Variants in DCBLD2 observed in about 807,000 individuals in gnomAD.
The protein encoded by DCBLD2 is discoidin, CUB and LCCL domain-containing protein 2.
DCBLD2 carries 54 observed loss-of-function variants against 86.8 expected under a neutral mutation model. The ratio of observed to expected loss-of-function variants is 0.62; its 90% confidence interval spans 0.50 to 0.78. DCBLD2 has a LOEUF of 0.78. Among genes scored for constraint, DCBLD2 ranks in the 30% least tolerant of loss-of-function variants. DCBLD2 has a pLI of 0.00. For synonymous variants in DCBLD2, 354 were observed against 341.3 expected (o/e 1.04, Z -0.41); for missense variants, 908 against 954.2 (o/e 0.95, Z 0.64).
intron 3 of DCBLD2, among the ~76,000 whole-genome samples, chr3:98,842,873 G>A (rs994410113): frequency 2.0e-5 from 3 of 152,086 alleles, no homozygotes; most frequent in Non-Finnish European, 4.4e-5. Context: ...AAATACATTA[G>A]TATTTATCAA....
At chr3:98,803,267 C>A (rs1941763850) in intron 13 of DCBLD2, among the ~76,000 whole-genome samples, 1 of 152,070 alleles carries the variant, frequency 6.6e-6, no homozygotes, top group Non-Finnish European at 1.5e-5. Flanking sequence ...CCTTCACATC[C>A]CTTGTAAGTT....
At chr3:98,844,747 C>T (rs1942689113) in intron 3 of DCBLD2, among the ~76,000 whole-genome samples, 1 of 152,122 alleles carries the variant, frequency 6.6e-6, no homozygotes, top group African/African-American at 2.4e-5. Context: ...CTCAGTAACA[C>T]CAGCAGTAAC....
At chr3:98,898,762 C>G (rs540976605) in intron 1 of DCBLD2, among the ~76,000 whole-genome samples, 1 of 152,078 alleles carries the variant, frequency 6.6e-6, no homozygotes, top group Non-Finnish European at 1.5e-5. Flanking sequence ...AATTCCACCA[C>G]GGGCTGCTTT....
chr3:98,835,902 TTTTC>T (rs200797899), intron 3 of DCBLD2, among the ~76,000 whole-genome samples: 250 of 137,702 alleles, frequency 1.8e-3, no homozygotes, highest in Admixed American at 6.9e-3. Context: ...GGAGATGAAT[TTTTC>T]TTTCTTTCTT....
In DCBLD2 at chr3:98,811,229, A is replaced by C. The variant is rs758258524; in HGVS notation, c.1541T>G (p.Ile514Ser). The change falls in exon 12 of 16, where the codon ATC becomes AGC. Residue 514 changes from isoleucine to serine, a missense_variant. This residue lies in a region of DCBLD2 where 606 missense variants were observed against 678.5 expected (regional missense o/e 0.89). Transcript: ENST00000326840. ...QTEQTTASPD[I>S]RNTTVTPNVT... The stretch of plus-strand genomic sequence containing the variant: ...ATTTGGAGTTACGGTAGTATTTCTG[A>C]TATCAGGACTGGCAGTTGTTTGTTC... 1 of 1,611,076 alleles carries C rather than the reference A, an allele frequency of 6.2e-7. No individual in the cohort carries two copies. Among genetic ancestry groups the C allele is most frequent in the South Asian group, 1.1e-5 (1 of 90,304 alleles).
intron 13 of DCBLD2, among the ~76,000 whole-genome samples, chr3:98,804,350 T>C (rs1413044926): frequency 2.0e-5 from 3 of 152,228 alleles, no homozygotes; most frequent in Non-Finnish European, 2.9e-5. Context: ...GTTTGTAGTA[T>C]TCTCTGATGG....
intron 8 of DCBLD2, 24 bp from the exon 9 acceptor site, chr3:98,817,917 A>G (rs1285256791): frequency 1.9e-6 from 3 of 1,609,860 alleles, no homozygotes; most frequent in South Asian, 1.1e-5. Flanking sequence ...AGTTGCTTTC[A>G]TTAATGCACA....
intron 3 of DCBLD2, among the ~76,000 whole-genome samples, chr3:98,826,807 C>T (rs1942230641): frequency 6.6e-6 from 1 of 151,964 alleles, no homozygotes; most frequent in South Asian, 2.1e-4. Flanking sequence ...GGAAGAAGAC[C>T]CCAAGGCAAT....
At chr3:98,870,312 T>C (rs1408063764) in intron 2 of DCBLD2, among the ~76,000 whole-genome samples, 1 of 152,240 alleles carries the variant, frequency 6.6e-6, no homozygotes, top group African/African-American at 2.4e-5. Context: ...TCTATTTTTA[T>C]ACCAGTTGTC....
chr3:98,866,438 A>G (rs899616870), intron 2 of DCBLD2, among the ~76,000 whole-genome samples: 1 of 152,050 alleles, frequency 6.6e-6, no homozygotes, highest in African/African-American at 2.4e-5. Context: ...TGTGGTTTTG[A>G]TTTGCATTTC....
At chr3:98,815,342 A>G (rs1942002709) in intron 9 of DCBLD2, 1 of 152,208 alleles carries the variant, frequency 6.6e-6, no homozygotes, top group Admixed American at 6.5e-5. Flanking sequence ...GTATTGTCTC[A>G]GTGGGGGAGA....
intron 15 of DCBLD2, 84 bp from the exon 16 acceptor site, chr3:98,799,925 A>C: frequency 8.8e-7 from 1 of 1,130,972 alleles, no homozygotes; most frequent in Non-Finnish European, 1.2e-6. Flanking sequence ...AGATTATACT[A>C]AAAGCAAACA....
In DCBLD2 at chr3:98,796,614, G is replaced by C. The variant is rs1365810028; in HGVS notation, c.*2758C>G. On this transcript the variant is annotated 3_prime_UTR_variant, in exon 16 of 16. Coordinates refer to ENST00000326840, the MANE Select transcript of DCBLD2 (RefSeq NM_080927.4). ...ACTGCATTAATTCTTCACTCGAACC[G>C]TTTACATCAGCGAATAAACCCATTG... 6.6e-6 allele frequency: 1 copy of C among 152,586 alleles called. No homozygotes were observed. The highest frequency in any genetic ancestry group is 1.5e-5 in the Non-Finnish European group (1 of 68,046). 9.5% of individuals were successfully genotyped at this position (152,586 alleles called of 1,614,324 possible).
intron 9 of DCBLD2, chr3:98,813,749 G>A (rs750376146): frequency 6.6e-6 from 1 of 152,142 alleles, no homozygotes. Context: ...GTTTAGGTGA[G>A]TCTCATTCCC....
At chr3:98,867,762 AT>A (rs1375070160) in intron 2 of DCBLD2, among the ~76,000 whole-genome samples, 10 of 151,194 alleles carry the variant, frequency 6.6e-5, no homozygotes, top group East Asian at 5.8e-4. Flanking sequence ...ATGGAAAAGC[AT>A]TTTTTTTAAC....
Position 98,799,491 on chromosome 3 carries a change from C to A in DCBLD2, c.2209G>T (p.Ala737Ser). ...GGGGCAGGTAGACCTGGCTTCCCAG[C>A]TTTCGGGGTATCATACTGGGCCTGG... ...SAQAQYDTPK[A>S]GKPGLPAPDE... Residue 737 changes from alanine to serine, a missense_variant, in exon 16 of 16, where the codon GCT becomes TCT. Physicochemically the swap from Ala to Ser is moderately conservative, Grantham distance 99. Coordinates refer to ENST00000326840, the MANE Select transcript of DCBLD2 (RefSeq NM_080927.4). 1 of 1,613,998 alleles carries A rather than the reference C, an allele frequency of 6.2e-7. No individual in the cohort carries two copies.
chr3:98,811,412 A>C, intron 11 of DCBLD2, 56 bp downstream of exon 11: 1 of 1,612,288 alleles, frequency 6.2e-7, no homozygotes. Context: ...ATATTTTTGG[A>C]AAGTTGCACC....
chr3:98,849,336 T>A, intron 3 of DCBLD2, 125 bp downstream of exon 3: 2 of 1,170,290 alleles, frequency 1.7e-6, no homozygotes, highest in Non-Finnish European at 2.5e-6. Context: ...TTTATATATG[T>A]GCTATTAATT....
At position 98,797,275 on chromosome 3, in the gene DCBLD2, TA is replaced by T. The variant is rs55975603; in HGVS notation, c.*2096del. On this transcript the variant is annotated 3_prime_UTR_variant, in exon 16 of 16. Transcript: ENST00000326840. ...CATTTCAGAAAACACTTGCCCCTCT[TA>T]AAAAAAAAAAAACCCAAAACTAAAC... The T allele has an allele frequency of 1.6e-3, 213 of 137,324 alleles. No homozygotes were observed. The highest frequency in any genetic ancestry group is 2.2e-3 in the Non-Finnish European group (138 of 62,874). 8.5% of individuals were successfully genotyped at this position (137,324 alleles called of 1,614,324 possible).
Sources: gnomAD v4.1 joint callset for allele counts (sites outside exome capture counted in the v4.1 genomes callset) on GRCh38, gnomAD v4.1.1 for gene constraint, gnomAD v4.1.1 regional missense constraint, MANE v1.5 for transcripts, NCBI Gene and HGNC (gene_info 2026-07-23, HGNC 2026-07-21) for gene names.